DOCK5: variants seen among roughly 807,000 people sequenced by gnomAD.
DOCK5 encodes dedicator of cytokinesis protein 5.
Under a neutral mutation model 251.8 loss-of-function variants are expected in DOCK5, and 142 were observed. The observed-to-expected ratio is 0.56, with a 90% CI of 0.49 to 0.65. DOCK5 has a LOEUF of 0.65. DOCK5 is among the 30% of genes least tolerant of loss of function. The probability of loss-of-function intolerance (pLI) is 0.00; values close to 1 mark genes in which losing one functional copy is unlikely to be tolerated. For missense variants in DOCK5, 2,111 were observed against 2,312.3 expected (o/e 0.91, Z 1.79); for synonymous variants, 842 against 835.5 (o/e 1.01, Z -0.13).
At chr8:25,305,701 G>A (rs1472176186) in intron 11 of DOCK5, among the ~76,000 whole-genome samples, 3 of 152,148 alleles carry the variant, frequency 2.0e-5, no homozygotes, top group African/African-American at 7.2e-5. Context: ...TGAGTGAAAT[G>A]CAAATCGAAA....
intron 5 of DOCK5, among the ~76,000 whole-genome samples, chr8:25,284,035 G>A (rs1157981651): frequency 6.6e-6 from 1 of 152,052 alleles, no homozygotes; most frequent in Non-Finnish European, 1.5e-5. Context: ...CCCTTACTGG[G>A]TATGTACTAT....
intron 3 of DOCK5, chr8:25,270,685 C>CT: frequency 2.1e-6 from 1 of 468,678 alleles, no homozygotes; most frequent in Non-Finnish European, 3.8e-6. Flanking sequence ...ATCAGGTCTT[C>CT]TTTTTCATAG....
Position 25,410,170 on chromosome 8 carries a change from C to G in DOCK5, c.5476C>G (p.Pro1826Ala), listed in dbSNP as rs1801596881. Residue 1826 changes from proline (P) to alanine (A), a missense_variant, in exon 51 of 52, where the codon CCC becomes GCC. Pro to Ala is a conservative substitution (Grantham distance 27, BLOSUM62 -1). Transcript: ENST00000276440. The stretch of plus-strand genomic sequence containing the variant: ...ACCTCCACCTCCCCCCAAAAGCAAG[C>G]CCTATGAAGGCAGCCAGAGGAACTC... ...VPPPPPPKSK[P>A]YEGSQRNSTE... 1.9e-6 allele frequency: 3 copies of G among 1,613,628 alleles called. No homozygotes were observed. In the East Asian group the frequency reaches 6.7e-5, roughly 36 times the overall value.
At chr8:25,403,842 C>A in intron 48 of DOCK5, 118 bp downstream of exon 48, 1 of 1,064,498 alleles carries the variant, frequency 9.4e-7, no homozygotes, top group Non-Finnish European at 1.3e-6. Context: ...CATTGTCTTC[C>A]TCATGAGGAA....
At chr8:25,252,060 G>A (rs1803287081) in intron 2 of DOCK5, among the ~76,000 whole-genome samples, 1 of 151,754 alleles carries the variant, frequency 6.6e-6, no homozygotes, top group Non-Finnish European at 1.5e-5. Context: ...TCATCCTTTA[G>A]AGATGTGGTA....
intron 28 of DOCK5, among the ~76,000 whole-genome samples, chr8:25,361,583 C>T (rs891045938): frequency 6.6e-6 from 1 of 152,128 alleles, no homozygotes; most frequent in Non-Finnish European, 1.5e-5. Flanking sequence ...CGCTGCACTC[C>T]AGCCTGGGCG....
intron 3 of DOCK5, among the ~76,000 whole-genome samples, chr8:25,272,669 A>G (rs1018790338): frequency 3.0e-4 from 45 of 152,234 alleles, no homozygotes; most frequent in South Asian, 4.1e-4. Flanking sequence ...CTGCTTTTTT[A>G]TGAGTTTTGG....
Position 25,348,777 on chromosome 8 carries a change from GCAGTGAGCCAAGATCACACC to G in DOCK5, c.2755-2953_2755-2934del, listed in dbSNP as rs1287475695. 6.5e-4 allele frequency among the ~76,000 whole-genome samples: 98 copies of G among 151,538 alleles called. 1 individual carries two copies. Among genetic ancestry groups the G allele is most frequent in the Non-Finnish European group, 2.5e-4 (17 of 67,952 alleles). ...CACTTGAACCCGGGAGGCAGAGGTTGCAGTGAGCCAAGATCACACCACTGCACTCCAGCTTGGGCAACAGA... is the reference window on the plus strand; with the variant it reads ...CACTTGAACCCGGGAGGCAGAGGTTGACTGCACTCCAGCTTGGGCAACAGA... On this transcript the variant is annotated intron_variant, in intron 26 of 51. Transcript: ENST00000276440.
chr8:25,213,099 C>T lies in DOCK5; in HGVS notation c.43+28148C>T, dbSNP rs548862918. ...CTGGGCTCTCGGTAGAGTGGCAGGG[C>T]GTGTGTGTTGGAATGGAAGATGGAA... On this transcript the variant is annotated intron_variant, in intron 1 of 51. Coordinates refer to ENST00000276440, the MANE Select transcript of DOCK5 (RefSeq NM_024940.8). Among the ~76,000 whole-genome samples, 47 of 143,250 alleles carry T rather than the reference C, an allele frequency of 3.3e-4. 13 individuals are homozygous for T. The highest frequency in any genetic ancestry group is 1.0e-3 in the African/African-American group (40 of 39,822). The allele number at this position is 143,250 out of a possible 152,430, so 94.0% of individuals were successfully genotyped here. A position where few individuals can be genotyped will look rare whatever the true frequency, so the allele number is the denominator to read the frequency against.
chr8:25,217,185 G>GAT (rs1295927619), intron 1 of DOCK5, among the ~76,000 whole-genome samples: 1 of 149,338 alleles, frequency 6.7e-6, no homozygotes, highest in Non-Finnish European at 1.5e-5. Context: ...GGGAGAGAGA[G>GAT]AGATATATAT....
chr8:25,192,014 A>G (rs11135855), intron 1 of DOCK5, among the ~76,000 whole-genome samples: 120,275 of 149,722 alleles, frequency 0.8, 49,975 homozygotes, highest in Non-Finnish European at 0.91. Context: ...GAGAACATGC[A>G]GTGTTTGGTT....
intron 13 of DOCK5, 134 bp downstream of exon 13, chr8:25,310,666 A>G: frequency 2.9e-6 from 3 of 1,019,522 alleles, no homozygotes; most frequent in Non-Finnish European, 4.1e-6. Context: ...TGGGACACAA[A>G]CAGAGACACC....
intron 1 of DOCK5, among the ~76,000 whole-genome samples, chr8:25,239,341 ATGTGTGTGTGTG>A (rs55869213): frequency 7.0e-6 from 1 of 142,202 alleles, no homozygotes; most frequent in Admixed American, 6.9e-5. Context: ...GTGTGTGTGT[ATGTGTGTGTGTG>A]TGTGTGTGTG....
At chr8:25,377,172 T>C (rs6992056) in intron 37 of DOCK5, 133 bp from the exon 38 acceptor site, 191,052 of 1,214,676 alleles carry the variant, frequency 0.16, 17,152 homozygotes, top group African/African-American at 0.3. Context: ...TATGTGTGTA[T>C]ATGTAACTTT....
intron 33 of DOCK5, 61 bp from the exon 34 acceptor site, chr8:25,369,495 T>C: frequency 2.0e-6 from 3 of 1,477,212 alleles, no homozygotes; most frequent in South Asian, 1.2e-5. Flanking sequence ...GTCTAGAAAG[T>C]TGGCCATGTC....
chr8:25,305,214 GCCAGAGTCATATATT>G (rs1804873487), intron 11 of DOCK5: 1 of 150,388 alleles, frequency 6.6e-6, no homozygotes, highest in Non-Finnish European at 1.5e-5. Flanking sequence ...CCACAAACCA[GCCAGAGTCATATATT>G]TGAGTTAATA....
chr8:25,396,152 G>T (rs1159967816), intron 45 of DOCK5, among the ~76,000 whole-genome samples: 1 of 152,174 alleles, frequency 6.6e-6, no homozygotes, highest in African/African-American at 2.4e-5. Context: ...GGCCAAGGCA[G>T]GTGGATCACT....
chr8:25,192,297 G>A (rs1801601720), intron 1 of DOCK5, among the ~76,000 whole-genome samples: 1 of 152,108 alleles, frequency 6.6e-6, no homozygotes, highest in Non-Finnish European at 1.5e-5. Context: ...GTAATGGGAT[G>A]GCTGGGTCAA....
In DOCK5 at chr8:25,302,457, A is replaced by G. The variant is rs1323531056; in HGVS notation, c.976+3A>G. On this transcript the variant is annotated splice_donor_region_variant and intron_variant, in intron 10 of 51. Coordinates refer to ENST00000276440, the MANE Select transcript of DOCK5 (RefSeq NM_024940.8). Reference sequence around the variant, plus strand: ...CCGAAGACCTTTTGGAGTGGCAGGTACAAGAGAGACCCAGAGACAAATGTG... The same window carrying G: ...CCGAAGACCTTTTGGAGTGGCAGGTGCAAGAGAGACCCAGAGACAAATGTG... 3 of 1,550,228 alleles carry G rather than the reference A, an allele frequency of 1.9e-6. No individual in the cohort carries two copies. The highest frequency in any genetic ancestry group is 1.7e-4 in the Middle Eastern group (1 of 5,946).
Sources: gnomAD v4.1 joint callset for allele counts (sites outside exome capture counted in the v4.1 genomes callset) on GRCh38, gnomAD v4.1.1 for gene constraint, MANE v1.5 for transcripts, NCBI Gene and HGNC (gene_info 2026-07-23, HGNC 2026-07-21) for gene names.